The following KIAA1210 variants were observed in gnomAD, a reference collection of about 807,000 sequenced individuals.
KIAA1210 encodes acrosomal protein KIAA1210.
In KIAA1210, 48 loss-of-function variants were observed where a neutral mutation model predicts 78.9. The observed-to-expected ratio is 0.61, with a 90% CI of 0.48 to 0.77. KIAA1210 has a LOEUF of 0.77. KIAA1210 is among the 30% of genes least tolerant of loss of function. The probability of loss-of-function intolerance (pLI) is 0.00; values close to 1 mark genes in which losing one functional copy is unlikely to be tolerated. For missense variants in KIAA1210, 1,108 were observed against 1,100.0 expected, an observed-to-expected ratio of 1.01 and a Z score of -0.10; for synonymous variants, 406 against 404.5, an observed-to-expected ratio of 1.00 and a Z score of -0.04.
chrX:119,121,728 G>A (rs907675364), intron 2 of KIAA1210, among the ~76,000 whole-genome samples: 1 of 111,791 alleles, frequency 8.9e-6, no homozygotes, highest in African/African-American at 3.3e-5. Flanking sequence ...TTGTTCTTTT[G>A]CATTGCTGCT....
chrX:119,110,207 T>C (rs1028496687), intron 3 of KIAA1210, among the ~76,000 whole-genome samples: 1 of 112,282 alleles, frequency 8.9e-6, no homozygotes, highest in African/African-American at 3.2e-5. Flanking sequence ...ATTGGCTTAA[T>C]GTATGAAAAT....
intron 2 of KIAA1210, among the ~76,000 whole-genome samples, chrX:119,118,070 A>C (rs1238374709): frequency 8.9e-6 from 1 of 112,199 alleles, no homozygotes; most frequent in Non-Finnish European, 1.9e-5. Flanking sequence ...TCTCATTCCA[A>C]GTCTCAACTG....
intron 1 of KIAA1210, among the ~76,000 whole-genome samples, chrX:119,124,078 C>T (rs1184202517): frequency 2.7e-5 from 3 of 111,716 alleles, no homozygotes; most frequent in African/African-American, 9.8e-5. Context: ...CTTACTGCAG[C>T]CTCAACCTCC....
exon 1 of KIAA1210, chrX:119,150,336 C>T (rs1048572262): frequency 1.7e-6 from 2 of 1,206,181 alleles, no homozygotes; most frequent in Admixed American, 2.2e-5. Flanking sequence ...GGCAGGAAGC[C>T]CCGGGAATAA....
chrX:119,104,499 C>G (rs1044928913), intron 6 of KIAA1210, among the ~76,000 whole-genome samples: 1 of 112,380 alleles, frequency 8.9e-6, no homozygotes, highest in African/African-American at 3.2e-5. Context: ...TTCAATTAAA[C>G]ACACATTAGT....
intron 9 of KIAA1210, 97 bp downstream of exon 9, chrX:119,086,448 TA>T: frequency 1.2e-6 from 1 of 837,459 alleles, no homozygotes; most frequent in Non-Finnish European, 1.7e-6. Flanking sequence ...CACAATTCAG[TA>T]AAAGACTAGA....
intron 6 of KIAA1210, 23 bp from the exon 7 acceptor site, chrX:119,096,714 G>A (rs755930366): frequency 8.8e-7 from 1 of 1,131,539 alleles, no homozygotes; most frequent in Non-Finnish European, 1.2e-6. Flanking sequence ...GGAGAAAATA[G>A]ACGAGTCAAC....
intron 3 of KIAA1210, among the ~76,000 whole-genome samples, chrX:119,113,958 A>C (rs759672434): frequency 4.5e-5 from 5 of 112,018 alleles, no homozygotes; most frequent in South Asian, 3.8e-4. Context: ...GTGGTTATTT[A>C]GGGGGGAACC....
chrX:119,097,489 A>G (rs1248392180), intron 6 of KIAA1210, among the ~76,000 whole-genome samples: 1 of 112,023 alleles, frequency 8.9e-6, no homozygotes, highest in African/African-American at 3.2e-5. Context: ...AGGCCCTTTG[A>G]AGATCAGCTG....
At chrX:119,125,300 T>C (rs1027836792) in intron 1 of KIAA1210, among the ~76,000 whole-genome samples, 16 of 111,068 alleles carry the variant, frequency 1.4e-4, no homozygotes, top group African/African-American at 2.3e-4. Context: ...GCAATACCTA[T>C]CAAAATTTAA....
intron 3 of KIAA1210, among the ~76,000 whole-genome samples, chrX:119,112,827 C>T (rs1208253092): frequency 8.9e-6 from 1 of 111,750 alleles, no homozygotes; most frequent in African/African-American, 3.3e-5. Flanking sequence ...TTTGACCCAA[C>T]AATTCCACTC....
At chrX:119,150,845 C>T (rs1282448495), upstream of KIAA1210, among the ~76,000 whole-genome samples, 1 of 112,736 alleles carries the variant, frequency 8.9e-6, no homozygotes, top group African/African-American at 3.2e-5. Context: ...ACCATTTGGG[C>T]GGTTAGGAGC....
chrX:119,090,536 C>T (rs1927336415), intron 8 of KIAA1210, among the ~76,000 whole-genome samples: 1 of 109,079 alleles, frequency 9.2e-6, no homozygotes, highest in South Asian at 4.0e-4. Context: ...TCCCAAAGTG[C>T]TGGGATTACA....
chrX:119,119,838 C>T (rs920941901), intron 2 of KIAA1210, among the ~76,000 whole-genome samples: 16 of 109,853 alleles, frequency 1.5e-4, no homozygotes, highest in Non-Finnish European at 2.5e-4. Context: ...TAGCTGGGCG[C>T]GGTGGCAGGT....
intron 2 of KIAA1210, among the ~76,000 whole-genome samples, chrX:119,146,691 G>A (rs1237405525): frequency 9.0e-6 from 1 of 111,727 alleles, no homozygotes; most frequent in Non-Finnish European, 1.9e-5. Context: ...TACAGAGGGT[G>A]AGGCTGGGGG....
intron 8 of KIAA1210, among the ~76,000 whole-genome samples, chrX:119,091,293 G>A (rs1927360639): frequency 1.8e-5 from 2 of 111,945 alleles, no homozygotes; most frequent in African/African-American, 6.5e-5. Flanking sequence ...GTAAATTAGT[G>A]CAACCTCTGT....
At chrX:119,120,949 C>A (rs753158591) in intron 2 of KIAA1210, among the ~76,000 whole-genome samples, 1 of 111,138 alleles carries the variant, frequency 9.0e-6, no homozygotes, top group East Asian at 2.8e-4. Context: ...GCCAGACATA[C>A]AATGTCAGTA....
At chrX:119,145,964 C>T (rs1035869165) in intron 2 of KIAA1210, among the ~76,000 whole-genome samples, 1 of 111,927 alleles carries the variant, frequency 8.9e-6, no homozygotes, top group African/African-American at 3.2e-5. Context: ...GTGAAGGAAG[C>T]ATAAGAAGCA....
intron 1 of KIAA1210, among the ~76,000 whole-genome samples, chrX:119,125,246 T>C (rs1184732324): frequency 1.8e-5 from 2 of 111,539 alleles, no homozygotes; most frequent in Non-Finnish European, 3.8e-5. Flanking sequence ...GGGACTCTCA[T>C]GCACTCTGGA....
Sources: allele counts gnomAD v4.1 joint callset (sites outside exome capture counted in the v4.1 genomes callset), GRCh38; gene constraint gnomAD v4.1.1; transcripts MANE v1.5; gene names NCBI Gene and HGNC (gene_info 2026-07-23, HGNC 2026-07-21).